The following SHC2 variants were observed in gnomAD, a reference collection of about 807,000 sequenced individuals.
The protein encoded by SHC2 is SHC adaptor protein 2.
SHC2 carries 62 observed loss-of-function variants against 60.6 expected under a neutral mutation model. The ratio of observed to expected loss-of-function variants is 1.02; its 90% CI spans 0.83 to 1.26. SHC2 has a LOEUF of 1.26. Among genes scored for constraint, SHC2 ranks in the 50% most tolerant of loss-of-function variants. The probability of loss-of-function intolerance (pLI) is 0.00; values close to 1 mark genes in which losing one functional copy is unlikely to be tolerated. For missense variants in SHC2, 873 were observed against 822.2 expected (o/e 1.06, Z -0.76); for synonymous variants, 375 against 372.4 (o/e 1.01, Z -0.08).
intron 1 of SHC2, among the ~76,000 whole-genome samples, chr19:442,144 C>G (rs1568292082): frequency 6.6e-6 from 1 of 152,138 alleles, no homozygotes; most frequent in African/African-American, 2.4e-5. Flanking sequence ...GCAGCCTCAC[C>G]TCCTGTTGAA....
chr19:429,635 A>T (rs537875342), intron 9 of SHC2, among the ~76,000 whole-genome samples: 1 of 119,548 alleles, frequency 8.4e-6, no homozygotes, highest in African/African-American at 3.2e-5. Flanking sequence ...ATGACACAGT[A>T]CCTATACCCA....
rs142254437 is a variant in SHC2, at chr19:424,290, C to A, written c.1309+807G>T. ...ACGGGGAAGGAAGGAACGGGCTCAC[C>A]GTCAGACTAGCCACTTTGTCCAGAG... On this transcript the variant is annotated intron_variant, in intron 10 of 12. Transcript: ENST00000264554. This position sits in a 1 kb window ranked among gnomAD's most constrained non-coding sequence, Gnocchi z 4.5. Among the ~76,000 whole-genome samples, 135 of 152,322 alleles carry A rather than the reference C, an allele frequency of 8.9e-4. No individual in the cohort carries two copies. Among genetic ancestry groups the A allele is most frequent in the African/African-American group, 3.0e-3 (124 of 41,592 alleles).
intron 1 of SHC2, among the ~76,000 whole-genome samples, chr19:448,640 C>T (rs1263667554): frequency 5.3e-5 from 8 of 152,140 alleles, no homozygotes; most frequent in Non-Finnish European, 1.0e-4. Context: ...GCACCAGTAT[C>T]AGGACAAACC....
intron 8 of SHC2, among the ~76,000 whole-genome samples, chr19:434,267 CATGAGTGAGATCATGA>C (rs1341619395): frequency 6.1e-4 from 2 of 3,262 alleles, no homozygotes; most frequent in East Asian, 7.1e-3. Flanking sequence ...TGAGTGAGAT[CATGAGTGAGATCATGA>C]GTGAGTGAGA....
rs535605990 is a variant in SHC2, at chr19:422,701, G to C, written c.1310-245C>G. ...TAGGCACGTACTAAGCATGTACAAA[G>C]GGTAACAGCAGCTCTTTCTTTCAGA... On this transcript the variant is annotated intron_variant, in intron 10 of 12. Transcript: ENST00000264554. This position sits in a 1 kb window ranked among gnomAD's most constrained non-coding sequence, Gnocchi z 5.0. The C allele has an allele frequency of 2.3e-6, 1 of 440,596 alleles. No homozygotes were observed. Among genetic ancestry groups the C allele is most frequent in the Non-Finnish European group, 4.0e-6 (1 of 250,684 alleles). The allele number at this position is 440,596 out of a possible 1,614,324, so 27.3% of individuals were successfully genotyped here. A position where few individuals can be genotyped will look rare whatever the true frequency, so the allele number is the denominator to read the frequency against.
intron 4 of SHC2, 28 bp from the exon 5 acceptor site, chr19:436,711 A>G (rs2145720504): frequency 1.3e-6 from 2 of 1,596,170 alleles, no homozygotes; most frequent in Non-Finnish European, 1.7e-6. Context: ...ACACGCGGTC[A>G]TGGGGGCCCC....
chr19:459,949 C>A (rs7248979), intron 1 of SHC2, among the ~76,000 whole-genome samples: 2,992 of 152,264 alleles, frequency 0.02, 93 homozygotes, highest in African/African-American at 0.068. Flanking sequence ...AGGTTACCCT[C>A]CTAGGTGGAG....
At chr19:451,700 C>T (rs1414488844) in intron 1 of SHC2, among the ~76,000 whole-genome samples, 4 of 152,080 alleles carry the variant, frequency 2.6e-5, no homozygotes, top group African/African-American at 7.2e-5. Context: ...TGGGTTCAAG[C>T]GATTCTCCTG....
chr19:456,717 C>A (rs531587213), intron 1 of SHC2, among the ~76,000 whole-genome samples: 1 of 152,162 alleles, frequency 6.6e-6, no homozygotes, highest in African/African-American at 2.4e-5. Context: ...CCCCCTAGAA[C>A]TCTGTCTGCA....
Position 440,805 on chromosome 19 carries a change from G to A in SHC2, c.539+57C>T, listed in dbSNP as rs1265276328. 6.8e-7 allele frequency: 1 copy of A among 1,475,820 alleles called. No homozygotes were observed. Among genetic ancestry groups the A allele is most frequent in the Non-Finnish European group, 9.4e-7 (1 of 1,059,670 alleles). 91.4% of individuals were successfully genotyped at this position (1,475,820 alleles called of 1,614,324 possible). On this transcript the variant is annotated intron_variant, in intron 2 of 12. Transcript: ENST00000264554. This position sits in a 1 kb window ranked among gnomAD's most constrained non-coding sequence, Gnocchi z 7.0. The stretch of plus-strand genomic sequence containing the variant: ...CCCATCGCTGCCGCCCTCCAGTGCT[G>A]CCGCCCTCCAGTGCGTCACTCAGCC...
At chr19:435,770 A>C (rs1974700341) in intron 7 of SHC2, 1 of 193,294 alleles carries the variant, frequency 5.2e-6, no homozygotes, top group Non-Finnish European at 1.1e-5. Context: ...TCACACTTCA[A>C]TGTCTATAAA....
intron 2 of SHC2, chr19:439,604 C>T (rs564260280): frequency 6.5e-6 from 1 of 154,076 alleles, no homozygotes; most frequent in South Asian, 2.0e-4. Context: ...ACCAGATCCC[C>T]CACCCAGGGC....
At chr19:436,041 C>A in intron 7 of SHC2, 124 bp downstream of exon 7, 1 of 1,062,596 alleles carries the variant, frequency 9.4e-7, no homozygotes. Context: ...CATATTCTCA[C>A]GGGACAGGGA....
In SHC2 at chr19:460,514, G is replaced by A; in HGVS notation, c.468+15C>T. The stretch of plus-strand genomic sequence containing the variant: ...CGCCGCGAACGGGCTCCCGGGGGGG[G>A]TGGGGGGGACTCACCCGCACGACGT... On this transcript the variant is annotated intron_variant, in intron 1 of 12. Coordinates refer to ENST00000264554, the MANE Select transcript of SHC2 (RefSeq NM_012435.3). 3 of 1,230,328 alleles carry A rather than the reference G, an allele frequency of 2.4e-6. No homozygotes were observed. The highest frequency in any genetic ancestry group is 3.1e-6 in the Non-Finnish European group (3 of 971,752). 76.2% of individuals were successfully genotyped at this position (1,230,328 alleles called of 1,614,324 possible).
At chr19:458,993 C>T (rs74512093) in intron 1 of SHC2, among the ~76,000 whole-genome samples, 3,256 of 152,212 alleles carry the variant, frequency 0.021, 117 homozygotes, top group African/African-American at 0.073. Flanking sequence ...AGGCCCCCAC[C>T]TCTGCCTGTC....
At chr19:426,237 G>A (rs1010459933) in intron 9 of SHC2, among the ~76,000 whole-genome samples, 2 of 152,218 alleles carry the variant, frequency 1.3e-5, no homozygotes, top group Non-Finnish European at 2.9e-5. Flanking sequence ...AGGGCAGAGG[G>A]GCTTCTCCCC....
chr19:459,376 ACTG>A (rs1441345028), intron 1 of SHC2, among the ~76,000 whole-genome samples: 35 of 131,032 alleles, frequency 2.7e-4, no homozygotes, highest in African/African-American at 9.6e-4. Context: ...GAAGGACCCC[ACTG>A]AAGCCAGCGT....
At chr19:430,854 G>A (rs1467009158) in intron 8 of SHC2, 107 bp from the exon 9 acceptor site, 3 of 1,029,158 alleles carry the variant, frequency 2.9e-6, no homozygotes, top group Non-Finnish European at 4.4e-6. Context: ...GAGACTTAGG[G>A]GTGGGGAGCA....
intron 1 of SHC2, among the ~76,000 whole-genome samples, chr19:451,063 G>A (rs1975176477): frequency 6.9e-6 from 1 of 145,534 alleles, no homozygotes; most frequent in African/African-American, 2.7e-5. Context: ...GCGTGTGGAT[G>A]GCCACGCCGT....
Sources: allele counts gnomAD v4.1 joint callset (sites outside exome capture counted in the v4.1 genomes callset), GRCh38; gene constraint gnomAD v4.1.1; non-coding constraint Gnocchi (gnomAD v3.1); transcripts MANE v1.5; gene names NCBI Gene and HGNC (gene_info 2026-07-23, HGNC 2026-07-21).